The following DAPK1 variants were observed in gnomAD, a reference collection of about 807,000 sequenced individuals.
DAPK1 encodes death associated protein kinase 1, also known as death-associated protein kinase 1.
In DAPK1, 56 loss-of-function variants were observed where a neutral mutation model predicts 144.9. The observed-to-expected ratio is 0.39, with a 90% CI of 0.31 to 0.48. The LOEUF is 0.48. Among genes scored for constraint, DAPK1 ranks in the 20% least tolerant of loss-of-function variants. The probability of loss-of-function intolerance (pLI) is 0.95; values close to 1 mark genes in which losing one functional copy is unlikely to be tolerated. For missense variants in DAPK1, 1,454 were observed against 1,875.4 expected (o/e 0.78, Z 4.15); for synonymous variants, 690 against 749.0 (o/e 0.92, Z 1.29).
In DAPK1 at chr9:87,643,366, T is replaced by TAA. The variant is rs1554695945; in HGVS notation, c.919-3_919-2dup. 1.9e-4 allele frequency: 257 copies of TAA among 1,349,810 alleles called. 1 individual carries two copies. The African/African-American group carries it at 4.1e-3, about 21-fold the overall frequency. 83.6% of individuals were successfully genotyped at this position (1,349,810 alleles called of 1,614,324 possible). ...CCCTCCCTTTTTTTTTTTTTTTTTT[T>TAA]AAAAAAAAGCAATCCGTTCGCTTGA... On this transcript the variant is annotated splice_polypyrimidine_tract_variant and intron_variant, in intron 10 of 25. Transcript: ENST00000408954.
chr9:87,543,949 A>G (rs1039145442), intron 2 of DAPK1, among the ~76,000 whole-genome samples: 2 of 152,200 alleles, frequency 1.3e-5, no homozygotes, highest in Admixed American at 6.5e-5. Context: ...AAACATGTTG[A>G]AATAATAAAG....
At chr9:87,607,713 A>C (rs2118975652) in intron 3 of DAPK1, among the ~76,000 whole-genome samples, 1 of 152,294 alleles carries the variant, frequency 6.6e-6, no homozygotes, top group East Asian at 1.9e-4. Flanking sequence ...ATTGGGACTC[A>C]GAACAGTTCC....
At chr9:87,694,052 A>ACTAC (rs894133246) in intron 21 of DAPK1, among the ~76,000 whole-genome samples, 43 of 151,872 alleles carry the variant, frequency 2.8e-4, no homozygotes, top group African/African-American at 9.0e-4. Flanking sequence ...GGGCCTCCAG[A>ACTAC]CAGCTTGCTC....
At chr9:87,626,934 C>T (rs1292522961) in intron 3 of DAPK1, among the ~76,000 whole-genome samples, 3 of 151,874 alleles carry the variant, frequency 2.0e-5, no homozygotes, top group African/African-American at 4.8e-5. Context: ...ATAGTGCATG[C>T]TTTTGGGGAG....
chr9:87,644,522 A>G (rs1830204203), intron 11 of DAPK1, among the ~76,000 whole-genome samples: 1 of 152,084 alleles, frequency 6.6e-6, no homozygotes, highest in South Asian at 2.1e-4. Context: ...TTGTGGAGTG[A>G]AATGGGATTG....
chr9:87,668,625 G>A lies in DAPK1; in HGVS notation c.1952G>A (p.Arg651Lys). 6.8e-7 allele frequency: 1 copy of A among 1,478,960 alleles called. No individual in the cohort carries two copies. Among genetic ancestry groups the A allele is most frequent in the South Asian group, 1.1e-5 (1 of 88,540 alleles). 91.6% of individuals were successfully genotyped at this position (1,478,960 alleles called of 1,614,324 possible). Residue 651 changes from arginine to lysine, a missense_variant, in exon 19 of 26, where the codon AGA becomes AAA. Arg to Lys is a conservative substitution (Grantham distance 26). This residue lies in a region of DAPK1 where 1,025 missense variants were observed against 1,237.9 expected (regional missense o/e 0.83). Transcript: ENST00000408954. ...GGAAAGACGGCAGAAGATCTTGCTAGATCGGAACAGCACGAGCACGTAGCA... is the reference window on the plus strand; with the variant it reads ...GGAAAGACGGCAGAAGATCTTGCTAAATCGGAACAGCACGAGCACGTAGCA... ...TDGKTAEDLA[R>K]SEQHEHVAGL...
intron 2 of DAPK1, chr9:87,525,281 C>T (rs1034214618): frequency 3.5e-5 from 55 of 1,579,842 alleles, no homozygotes; most frequent in African/African-American, 8.1e-5. Flanking sequence ...GCTTTTACCT[C>T]GTTGCACTCC....
At chr9:87,590,614 G>T (rs1476489294) in intron 2 of DAPK1, among the ~76,000 whole-genome samples, 4 of 151,590 alleles carry the variant, frequency 2.6e-5, no homozygotes, top group African/African-American at 9.7e-5. Context: ...TTTGAGACAG[G>T]TCTCACTCTG....
At chr9:87,590,412 C>CTAAAAGGA (rs1554687943) in intron 2 of DAPK1, among the ~76,000 whole-genome samples, 1 of 149,848 alleles carries the variant, frequency 6.7e-6, no homozygotes, top group Non-Finnish European at 1.5e-5. Flanking sequence ...AAAAAGGAAG[C>CTAAAAGGA]TAAAAGGGTT....
At chr9:87,577,992 A>G (rs1271173895) in intron 2 of DAPK1, among the ~76,000 whole-genome samples, 1 of 152,060 alleles carries the variant, frequency 6.6e-6, no homozygotes, top group Non-Finnish European at 1.5e-5. Context: ...GAGGCGCGAG[A>G]AGCTACCCAC....
chr9:87,604,875 C>A (rs2118958667), intron 2 of DAPK1, 79 bp from the exon 3 acceptor site: 1 of 1,321,118 alleles, frequency 7.6e-7, no homozygotes, highest in East Asian at 2.4e-5. Context: ...CTCTTGTCCC[C>A]CTCTGCACCA....
At chr9:87,499,229 A>G in intron 2 of DAPK1, 90 bp downstream of exon 2, 1 of 1,164,524 alleles carries the variant, frequency 8.6e-7, no homozygotes, top group Non-Finnish European at 1.3e-6. Context: ...AGTTTGAATC[A>G]GGCGTCTCCC....
In DAPK1 at chr9:87,498,029, G is replaced by A; in HGVS notation, c.-187G>A. On this transcript the variant is annotated 5_prime_UTR_variant, in exon 1 of 26. Transcript: ENST00000408954. The stretch of plus-strand genomic sequence containing the variant: ...CTAGCTGTGTTCCCGCCGCCGCCCC[G>A]GCTAGTCTCCGGCGCTGGCGCCTAT... The A allele has an allele frequency of 2.5e-6, 1 of 397,872 alleles. No individual in the cohort carries two copies. The highest frequency in any genetic ancestry group is 4.4e-6 in the Non-Finnish European group (1 of 225,668). The allele number at this position is 397,872 out of a possible 1,614,324, so 24.6% of individuals were successfully genotyped here.
chr9:87,564,959 G>A (rs1827063294), intron 2 of DAPK1, among the ~76,000 whole-genome samples: 1 of 152,140 alleles, frequency 6.6e-6, no homozygotes, highest in Non-Finnish European at 1.5e-5. Context: ...TAGCCCTGTG[G>A]TTTCATTTCT....
chr9:87,666,451 T>A (rs1048579273), intron 18 of DAPK1, among the ~76,000 whole-genome samples: 2 of 151,236 alleles, frequency 1.3e-5, no homozygotes, highest in Non-Finnish European at 2.9e-5. Flanking sequence ...CATTTTTATT[T>A]TATATATATA....
chr9:87,707,943 G>A lies in DAPK1; in HGVS notation c.*579G>A. ...TTGAAATCATCGGAGTCAGCCAGGA[G>A]CTGTCACCAAGGAAACGCTACCTCT... On this transcript the variant is annotated 3_prime_UTR_variant, in exon 26 of 26. Coordinates refer to ENST00000408954, the MANE Select transcript of DAPK1 (RefSeq NM_004938.4). This position sits in a 1 kb window ranked among gnomAD's most constrained non-coding sequence, Gnocchi z 4.0. 2.2e-6 allele frequency: 1 copy of A among 452,230 alleles called. No individual in the cohort carries two copies. Among genetic ancestry groups the A allele is most frequent in the Non-Finnish European group, 4.4e-6 (1 of 225,258 alleles). The allele number at this position is 452,230 out of a possible 1,614,324, so 28.0% of individuals were successfully genotyped here.
intron 16 of DAPK1, chr9:87,650,559 G>T (rs1830410697): frequency 5.0e-6 from 1 of 201,120 alleles, no homozygotes; most frequent in South Asian, 7.9e-5. Context: ...TGCTAGACCA[G>T]GTTTAATTAA....
At chr9:87,529,023 C>G (rs1190011954) in intron 2 of DAPK1, among the ~76,000 whole-genome samples, 1 of 152,186 alleles carries the variant, frequency 6.6e-6, no homozygotes, top group Non-Finnish European at 1.5e-5. Flanking sequence ...AGTAAACACA[C>G]TGTGTGTGCT....
intron 14 of DAPK1, 54 bp downstream of exon 14, chr9:87,647,457 G>A: frequency 6.9e-7 from 1 of 1,443,304 alleles, no homozygotes; most frequent in African/African-American, 1.4e-5. Flanking sequence ...GGATGCATGT[G>A]AGTGTGAGTG....
Sources: gnomAD v4.1 joint callset for allele counts (sites outside exome capture counted in the v4.1 genomes callset) on GRCh38, gnomAD v4.1.1 for gene constraint, gnomAD v4.1.1 regional missense constraint, Gnocchi (gnomAD v3.1) non-coding constraint, MANE v1.5 for transcripts, NCBI Gene and HGNC (gene_info 2026-07-23, HGNC 2026-07-21) for gene names.